RIT2: variants seen among roughly 807,000 people sequenced by gnomAD.
The protein encoded by RIT2 is Ras like without CAAX 2, also known as GTP-binding protein Rit2.
RIT2 carries 24 observed loss-of-function variants against 23.7 expected under a neutral mutation model. The observed-to-expected ratio is 1.01, with a 90% CI of 0.73 to 1.43. The LOEUF is 1.43. Ranked by LOEUF, RIT2 falls within the 40% of genes most tolerant of loss-of-function variation. RIT2 has a pLI of 0.00. For missense variants in RIT2, 236 were observed against 266.9 expected (o/e 0.88, Z 0.81); for synonymous variants, 107 against 91.1 (o/e 1.17, Z -0.99).
At position 42,970,588 on chromosome 18, in the gene RIT2, C is replaced by T. The variant is rs140649734; in HGVS notation, c.234+3486G>A. ...CTCTCACCCCTGCTCTTTTGAAGAC[C>T]CTCATTGACAGGTATCCAGTCCTAC... On this transcript the variant is annotated intron_variant, in intron 3 of 4. Coordinates refer to ENST00000326695, the MANE Select transcript of RIT2 (RefSeq NM_002930.4). Among the ~76,000 whole-genome samples the T allele has an allele frequency of 1.2e-3, 175 of 151,946 alleles. 1 individual carries two copies. The highest frequency in any genetic ancestry group is 2.0e-3 in the Non-Finnish European group (139 of 67,886).
chr18:42,784,386 G>C (rs1913879575), intron 4 of RIT2, among the ~76,000 whole-genome samples: 1 of 151,966 alleles, frequency 6.6e-6, no homozygotes, highest in Non-Finnish European at 1.5e-5. Flanking sequence ...CCACTGTGCT[G>C]CTATTTTCTT....
intron 4 of RIT2, among the ~76,000 whole-genome samples, chr18:42,853,329 C>T (rs559776932): frequency 2.0e-5 from 3 of 152,198 alleles, no homozygotes; most frequent in African/African-American, 4.8e-5. Flanking sequence ...ACAAGCTACG[C>T]TATACTTTTA....
At chr18:42,877,519 A>ACT (rs1907773898) in intron 4 of RIT2, among the ~76,000 whole-genome samples, 1 of 86,992 alleles carries the variant, frequency 1.1e-5, no homozygotes, top group Non-Finnish European at 2.1e-5. Context: ...GTTTGTATAC[A>ACT]CTATATATAT....
intron 1 of RIT2, among the ~76,000 whole-genome samples, chr18:43,102,134 T>C (rs1265370375): frequency 2.6e-5 from 4 of 152,220 alleles, no homozygotes; most frequent in Non-Finnish European, 5.9e-5. Flanking sequence ...TTTGAGATTC[T>C]ATGGTCTTCT....
chr18:42,932,781 A>G (rs1209032958), intron 3 of RIT2, among the ~76,000 whole-genome samples: 1 of 152,056 alleles, frequency 6.6e-6, no homozygotes, highest in Non-Finnish European at 1.5e-5. Flanking sequence ...TCTACATCAC[A>G]TGGGTAGCTT....
intron 1 of RIT2, among the ~76,000 whole-genome samples, chr18:43,093,131 T>C (rs1598780835): frequency 6.6e-6 from 1 of 151,990 alleles, no homozygotes; most frequent in Admixed American, 6.6e-5. Context: ...TGTGAGTAAG[T>C]GGGAGAATTT....
chr18:42,966,607 T>A (rs1910229603), intron 3 of RIT2, among the ~76,000 whole-genome samples: 1 of 150,884 alleles, frequency 6.6e-6, no homozygotes, highest in African/African-American at 2.5e-5. Context: ...AGAGGTGATA[T>A]GATAAAATAT....
intron 1 of RIT2, among the ~76,000 whole-genome samples, chr18:43,079,481 TTA>T (rs1428374664): frequency 2.0e-5 from 3 of 152,174 alleles, no homozygotes; most frequent in Non-Finnish European, 4.4e-5. Context: ...CACAATTAAT[TTA>T]TGAGTGAAGA....
At chr18:42,928,188 C>G (rs568178324) in intron 3 of RIT2, among the ~76,000 whole-genome samples, 43 of 152,088 alleles carry the variant, frequency 2.8e-4, no homozygotes, top group African/African-American at 9.9e-4. Context: ...AGTCATACAC[C>G]TAACACTGTA....
intron 4 of RIT2, among the ~76,000 whole-genome samples, chr18:42,764,469 T>C (rs1308513309): frequency 6.6e-6 from 1 of 152,170 alleles, no homozygotes; most frequent in African/African-American, 2.4e-5. Context: ...AGTACTTGCA[T>C]TTTTTAGAAT....
intron 1 of RIT2, among the ~76,000 whole-genome samples, chr18:43,112,399 TA>T (rs1349621122): frequency 6.6e-6 from 1 of 152,230 alleles, no homozygotes; most frequent in East Asian, 1.9e-4. Context: ...GGGGGCTTCA[TA>T]AATGTTTACG....
At chr18:42,764,176 A>G (rs1278591733) in intron 4 of RIT2, among the ~76,000 whole-genome samples, 1 of 152,252 alleles carries the variant, frequency 6.6e-6, no homozygotes, top group Non-Finnish European at 1.5e-5. Context: ...CAAAGGAGAT[A>G]AGCTAAGTTA....
At chr18:42,895,827 C>T (rs16977105) in intron 4 of RIT2, among the ~76,000 whole-genome samples, 1 of 152,012 alleles carries the variant, frequency 6.6e-6, no homozygotes, top group African/African-American at 2.4e-5. Context: ...AGTTGCACAG[C>T]AATATGGGCT....
At chr18:42,851,392 G>A (rs1051035717) in intron 4 of RIT2, among the ~76,000 whole-genome samples, 21 of 152,224 alleles carry the variant, frequency 1.4e-4, no homozygotes, top group Admixed American at 2.0e-4. Context: ...TATGTGTTTG[G>A]GAAGCAAAAC....
chr18:42,775,876 C>CAT (rs1321174897), intron 4 of RIT2, among the ~76,000 whole-genome samples: 3 of 151,650 alleles, frequency 2.0e-5, no homozygotes, highest in Admixed American at 6.6e-5. Context: ...CACACACACA[C>CAT]ACACAGAGAT....
At chr18:43,097,949 A>G (rs1464067939) in intron 1 of RIT2, among the ~76,000 whole-genome samples, 3 of 152,012 alleles carry the variant, frequency 2.0e-5, no homozygotes, top group Admixed American at 6.6e-5. Flanking sequence ...TGATTAATCA[A>G]TAAAGGTGGA....
chr18:42,988,104 A>G (rs1001796579), intron 2 of RIT2, among the ~76,000 whole-genome samples: 4 of 152,212 alleles, frequency 2.6e-5, no homozygotes, highest in Non-Finnish European at 2.9e-5. Flanking sequence ...GTACTCATAG[A>G]GTAGATTATC....
intron 3 of RIT2, among the ~76,000 whole-genome samples, chr18:42,941,399 G>A (rs1490678232): frequency 6.6e-6 from 1 of 151,848 alleles, no homozygotes; most frequent in Non-Finnish European, 1.5e-5. Flanking sequence ...CTGAGTTAGA[G>A]CATCAAAAAT....
intron 2 of RIT2, among the ~76,000 whole-genome samples, chr18:43,029,086 GT>G (rs2144278013): frequency 1.3e-5 from 2 of 152,050 alleles, no homozygotes; most frequent in South Asian, 2.1e-4. Context: ...TAAAGTCCTT[GT>G]TTTTTAAGCT....
Sources: gnomAD v4.1 joint callset for allele counts (sites outside exome capture counted in the v4.1 genomes callset) on GRCh38, gnomAD v4.1.1 for gene constraint, MANE v1.5 for transcripts, NCBI Gene and HGNC (gene_info 2026-07-23, HGNC 2026-07-21) for gene names.